The following FANCM variants were observed in gnomAD, a reference collection of about 807,000 sequenced individuals.
FANCM encodes the protein FA complementation group M, also known as Fanconi anemia group M protein.
A neutral mutation model predicts 199.5 loss-of-function variants in FANCM; 140 were observed. That is an observed-to-expected ratio of 0.70 (90% CI 0.61 to 0.81). The LOEUF (loss-of-function observed/expected upper bound fraction) is 0.81. Ranked by LOEUF, FANCM falls within the 30% of genes least tolerant of loss-of-function variation. The pLI is 0.00. For synonymous variants in FANCM, 840 were observed against 836.8 expected (o/e 1.00, Z -0.07); for missense variants, 2,410 against 2,421.4 (o/e 1.00, Z 0.10).
intron 5 of FANCM, 90 bp downstream of exon 5, chr14:45,151,618 T>G: frequency 1.1e-4 from 133 of 1,182,570 alleles, no homozygotes; most frequent in Non-Finnish European, 1.5e-4. Context: ...GGGTACCTAT[T>G]AGCTCATCAA....
chr14:45,182,119 G>A (rs1321426890), intron 16 of FANCM, among the ~76,000 whole-genome samples: 1 of 152,160 alleles, frequency 6.6e-6, no homozygotes, highest in Admixed American at 6.5e-5. Flanking sequence ...TTAAAGTTGA[G>A]TGATAAGAAA....
At chr14:45,191,065 G>A (rs1446703224) in intron 20 of FANCM, among the ~76,000 whole-genome samples, 1 of 152,204 alleles carries the variant, frequency 6.6e-6, no homozygotes, top group Non-Finnish European at 1.5e-5. Context: ...CCTTATAAAT[G>A]GGGTCTGTTA....
At chr14:45,166,659 C>G (rs1398582148) in intron 10 of FANCM, among the ~76,000 whole-genome samples, 1 of 151,640 alleles carries the variant, frequency 6.6e-6, no homozygotes, top group African/African-American at 2.4e-5. Flanking sequence ...ACCTGTAGTC[C>G]CAGCTACTCA....
At chr14:45,183,027 A>G (rs920678651) in intron 16 of FANCM, among the ~76,000 whole-genome samples, 3 of 152,284 alleles carry the variant, frequency 2.0e-5, no homozygotes, top group South Asian at 2.1e-4. Context: ...CTTTTGCACT[A>G]TGGAGAGGTC....
chr14:45,198,052 C>T (rs1890166179), intron 21 of FANCM, among the ~76,000 whole-genome samples: 1 of 152,086 alleles, frequency 6.6e-6, no homozygotes, highest in Admixed American at 6.6e-5. Flanking sequence ...CATGTTTGAG[C>T]CACCAGCCTT....
intron 14 of FANCM, among the ~76,000 whole-genome samples, 177 bp downstream of exon 14, chr14:45,177,153 ATATACT>A (rs1354149805): frequency 3.3e-5 from 5 of 150,428 alleles, no homozygotes; most frequent in Admixed American, 2.0e-4. Context: ...ATTTATTTAC[ATATACT>A]TATGGCACGC....
At chr14:45,162,109 G>A (rs1357522230) in intron 9 of FANCM, among the ~76,000 whole-genome samples, 1 of 152,230 alleles carries the variant, frequency 6.6e-6, no homozygotes, top group East Asian at 1.9e-4. Context: ...GGAAAGGCCA[G>A]GTGTGGTGGC....
intron 21 of FANCM, 111 bp from the exon 22 acceptor site, chr14:45,198,533 C>T: frequency 1.6e-6 from 1 of 641,372 alleles, no homozygotes; most frequent in Non-Finnish European, 2.6e-6. Context: ...GAATGTGGCA[C>T]CAGTTTGCTC....
chr14:45,193,891 A>G (rs2139312059), intron 20 of FANCM, among the ~76,000 whole-genome samples: 1 of 152,216 alleles, frequency 6.6e-6, no homozygotes, highest in Admixed American at 6.5e-5. Context: ...TCCATAGATT[A>G]TTTTGGGTAG....
At position 45,140,620 on chromosome 14, in the gene FANCM, T is replaced by C. The variant is rs1885845730; in HGVS notation, c.682-12T>C. ...TGAACAGATGAAACTAAAGAACTTT[T>C]TTTTTCTTAAGGTTGTAAGAGAACT... On this transcript the variant is annotated splice_polypyrimidine_tract_variant and intron_variant, in intron 2 of 22. Coordinates refer to ENST00000267430, the MANE Select transcript of FANCM (RefSeq NM_020937.4). 6.5e-7 allele frequency: 1 copy of C among 1,531,060 alleles called. No individual in the cohort carries two copies. Among genetic ancestry groups the C allele is most frequent in the Non-Finnish European group, 9.0e-7 (1 of 1,107,270 alleles). 94.8% of individuals were successfully genotyped at this position (1,531,060 alleles called of 1,614,324 possible).
chr14:45,190,360 G>T (rs1889687904), intron 20 of FANCM, among the ~76,000 whole-genome samples: 1 of 152,140 alleles, frequency 6.6e-6, no homozygotes, highest in Non-Finnish European at 1.5e-5. Context: ...TATTTACCAA[G>T]TATAACATGA....
At position 45,173,204 on chromosome 14, in the gene FANCM, C is replaced by T. The variant is rs566935444; in HGVS notation, c.2310C>T (p.His770=). ...GLMQMIEGMR[H]EEGECSYELE... ...TGCAAATGATAGAGGGAATGAGACACGAAGAGGTGGGGTTTTATTGTAACT... is the reference window on the plus strand; with the variant it reads ...TGCAAATGATAGAGGGAATGAGACATGAAGAGGTGGGGTTTTATTGTAACT... The change falls in exon 13 of 23, where the codon CAC becomes CAT. Residue 770 remains histidine (H), a synonymous_variant. Coordinates refer to ENST00000267430, the MANE Select transcript of FANCM (RefSeq NM_020937.4). 46 of 1,613,312 alleles carry T rather than the reference C, an allele frequency of 2.9e-5. No individual in the cohort carries two copies. Among genetic ancestry groups the T allele is most frequent in the Middle Eastern group, 1.6e-4 (1 of 6,078 alleles).
Position 45,167,304 on chromosome 14 carries a change from G to A in FANCM, c.2002+141G>A, listed in dbSNP as rs17115860. 100,717 of 667,444 alleles carry A rather than the reference G, an allele frequency of 0.15. 9,096 individuals carry two copies. The highest frequency in any genetic ancestry group is 0.34 in the African/African-American group (18,745 of 55,728). The allele number at this position is 667,444 out of a possible 1,614,324, so 41.3% of individuals were successfully genotyped here. On this transcript the variant is annotated intron_variant, in intron 11 of 22. Coordinates refer to ENST00000267430, the MANE Select transcript of FANCM (RefSeq NM_020937.4). ...TATAGGCATTCTCTTTGGAAAGGCT[G>A]TACGAGATTATTCATGTGGCAAATG...
Position 45,154,768 on chromosome 14 carries a change from A to G in FANCM, c.1255A>G (p.Met419Val), listed in dbSNP as rs552281088. The change falls in exon 7 of 23, where the codon ATG becomes GTG. Residue 419 changes from methionine to valine, a missense_variant. Transcript: ENST00000267430. Reference sequence around the variant, plus strand: ...GAAACTCTATAATCATCTAGAGTGTATGTTTGCACGTACACGTAGTACTTC... The same window carrying G: ...GAAACTCTATAATCATCTAGAGTGTGTGTTTGCACGTACACGTAGTACTTC... ...FMKLYNHLEC[M>V]FARTRSTSAN... 21 of 1,604,356 alleles carry G rather than the reference A, an allele frequency of 1.3e-5. No homozygotes were observed. In the South Asian group the frequency reaches 2.1e-4, roughly 16 times the overall value.
At position 45,181,425 on chromosome 14, in the gene FANCM, T is replaced by TA; in HGVS notation, c.4223-4dup. On this transcript the variant is annotated splice_polypyrimidine_tract_variant and splice_region_variant and intron_variant, in intron 14 of 22. Transcript: ENST00000267430. ...CCATTCATTATTTTAAAAAATAAATTATAGATGGACAATTATTAACAAGTA... is the reference window on the plus strand; with the variant it reads ...CCATTCATTATTTTAAAAAATAAATTAATAGATGGACAATTATTAACAAGTA... 6.6e-7 allele frequency: 1 copy of TA among 1,505,762 alleles called. No homozygotes were observed. Among genetic ancestry groups the TA allele is most frequent in the African/African-American group, 1.4e-5 (1 of 72,674 alleles). The allele number at this position is 1,505,762 out of a possible 1,614,324, so 93.3% of individuals were successfully genotyped here.
At chr14:45,197,743 G>C (rs541660183) in intron 21 of FANCM, among the ~76,000 whole-genome samples, 63 of 149,814 alleles carry the variant, frequency 4.2e-4, no homozygotes, top group African/African-American at 1.5e-3. Flanking sequence ...GGGATTACAG[G>C]CATGAGCCAC....
intron 20 of FANCM, 26 bp downstream of exon 20, chr14:45,189,388 T>C: frequency 6.7e-7 from 1 of 1,503,454 alleles, no homozygotes; most frequent in Non-Finnish European, 9.3e-7. Context: ...AGGAAAAATA[T>C]CTTTAGATGG....
Position 45,173,181 on chromosome 14 carries a change from C to A in FANCM, c.2287C>A (p.Gln763Lys), listed in dbSNP as rs2139235264. The A allele has an allele frequency of 6.2e-7, 1 of 1,613,796 alleles. No homozygotes were observed. Among genetic ancestry groups the A allele is most frequent in the Non-Finnish European group, 8.5e-7 (1 of 1,179,802 alleles). Residue 763 changes from glutamine (Q) to lysine (K), a missense_variant, in exon 13 of 23, where the codon CAA (glutamine) becomes AAA (lysine). Physicochemically the swap from Gln to Lys is moderately conservative, Grantham distance 53. Coordinates refer to ENST00000267430, the MANE Select transcript of FANCM (RefSeq NM_020937.4). ...DRCRHFIGLM[Q>K]MIEGMRHEEG... ...ATGCCGCCATTTTATAGGCCTTATG[C>A]AAATGATAGAGGGAATGAGACACGA... is the stretch of plus-strand genomic sequence containing the variant.
chr14:45,150,522 A>G (rs1310256714), intron 4 of FANCM, among the ~76,000 whole-genome samples: 1 of 152,182 alleles, frequency 6.6e-6, no homozygotes, highest in Non-Finnish European at 1.5e-5. Context: ...GTAGGTCTTC[A>G]TCTATAGGTC....
Sources: allele counts gnomAD v4.1 joint callset (sites outside exome capture counted in the v4.1 genomes callset), GRCh38; gene constraint gnomAD v4.1.1; transcripts MANE v1.5; gene names NCBI Gene and HGNC (gene_info 2026-07-23, HGNC 2026-07-21).